The following PCNX2 variants were observed in gnomAD, a reference collection of about 807,000 sequenced individuals.
The protein encoded by PCNX2 is pecanex 2, also known as pecanex-like protein 2.
In PCNX2, 168 loss-of-function variants were observed where a neutral mutation model predicts 223.8. That is an observed-to-expected ratio of 0.75 (90% CI 0.66 to 0.85). The LOEUF (loss-of-function observed/expected upper bound fraction) is 0.85, where lower values mean the gene tolerates loss of function less well. Ranked by LOEUF, PCNX2 falls within the 40% of genes least tolerant of loss-of-function variation. The pLI, the probability that PCNX2 is intolerant of heterozygous loss-of-function variation, is 0.00. For synonymous variants in PCNX2, 1,006 were observed against 1,052.6 expected (o/e 0.96, Z 0.86); for missense variants, 2,507 against 2,675.5 (o/e 0.94, Z 1.39).
intron 4 of PCNX2, among the ~76,000 whole-genome samples, chr1:233,260,143 A>C (rs1422160773): frequency 1.3e-5 from 2 of 152,208 alleles, no homozygotes; most frequent in Non-Finnish European, 2.9e-5. Flanking sequence ...ACTAAGGAAA[A>C]AACAGAATTC....
chr1:233,151,717 C>G (rs1300080925), intron 19 of PCNX2, among the ~76,000 whole-genome samples: 2 of 152,142 alleles, frequency 1.3e-5, no homozygotes, highest in Non-Finnish European at 2.9e-5. Context: ...TCTTGTTGCC[C>G]AGGCTGGAGT....
At chr1:233,010,788 C>T (rs367881660) in intron 28 of PCNX2, among the ~76,000 whole-genome samples, 1 of 152,328 alleles carries the variant, frequency 6.6e-6, no homozygotes, top group African/African-American at 2.4e-5. Flanking sequence ...TAAAGGTAGT[C>T]TTTTGCTCAC....
At chr1:233,200,723 A>T (rs1681034454) in intron 13 of PCNX2, among the ~76,000 whole-genome samples, 1 of 151,536 alleles carries the variant, frequency 6.6e-6, no homozygotes, top group Non-Finnish European at 1.5e-5. Flanking sequence ...ACAGGAACAT[A>T]AAAAAAACAC....
intron 13 of PCNX2, among the ~76,000 whole-genome samples, chr1:233,206,399 G>A (rs1169795787): frequency 7.2e-6 from 1 of 138,962 alleles, no homozygotes; most frequent in Non-Finnish European, 1.6e-5. Context: ...TGCAAAGTGT[G>A]CCATCATGAG....
rs141526509 is a variant in PCNX2 at position 233,218,722 on chromosome 1, T to C, written c.2505-538A>G. ...CCAACTTAATACCAGATTTTTGTTATTGAAGCAAATAAAATCTCATCCCAT... is the reference window on the plus strand; with the variant it reads ...CCAACTTAATACCAGATTTTTGTTACTGAAGCAAATAAAATCTCATCCCAT... On this transcript the variant is annotated intron_variant, in intron 10 of 33. Coordinates refer to ENST00000258229, the MANE Select transcript of PCNX2 (RefSeq NM_014801.4). 2.4e-3 allele frequency among the ~76,000 whole-genome samples: 360 copies of C among 152,296 alleles called. 2 individuals are homozygous for C. Among genetic ancestry groups the C allele is most frequent in the African/African-American group, 8.4e-3 (348 of 41,556 alleles).
chr1:233,153,347 G>C lies in PCNX2; in HGVS notation c.3517+6936C>G, dbSNP rs189912855. On this transcript the variant is annotated intron_variant, in intron 19 of 33. Transcript: ENST00000258229. ...AGGAGGGAGTCAGGGAGGGAGGACG[G>C]AGCTAATAGATTATGTGACAGATTC... Among the ~76,000 whole-genome samples the C allele has an allele frequency of 3.3e-5, 5 of 152,340 alleles. No individual in the cohort carries two copies. The South Asian group carries it at 1.0e-3, about 32-fold the overall frequency.
chr1:233,302,190 G>T, the PCNX2 span, among the ~76,000 whole-genome samples: 1 of 152,146 alleles, frequency 6.6e-6, no homozygotes, highest in Non-Finnish European at 1.5e-5. Flanking sequence ...CAAATCAGAT[G>T]AAGCATTGAG....
intron 14 of PCNX2, 144 bp downstream of exon 14, chr1:233,200,010 C>T: frequency 1.5e-6 from 1 of 649,594 alleles, no homozygotes; most frequent in South Asian, 2.5e-5. Context: ...GGCCCATCAT[C>T]ACCCAGACTG....
the PCNX2 span, among the ~76,000 whole-genome samples, chr1:233,318,529 A>C: frequency 6.9e-6 from 1 of 144,302 alleles, no homozygotes; most frequent in East Asian, 2.0e-4. Flanking sequence ...TCATGATTGC[A>C]TCACTCCCCC....
chr1:233,301,709 C>T, the PCNX2 span, among the ~76,000 whole-genome samples: 5 of 151,862 alleles, frequency 3.3e-5, no homozygotes, highest in Non-Finnish European at 5.9e-5. Context: ...TCTTGTACAC[C>T]CTTTCTCAGA....
intron 19 of PCNX2, among the ~76,000 whole-genome samples, chr1:233,158,837 T>G (rs559656238): frequency 6.6e-6 from 1 of 152,300 alleles, no homozygotes; most frequent in South Asian, 2.1e-4. Flanking sequence ...AAGGGAAATA[T>G]AACCTGAAGG....
At chr1:233,059,390 A>G (rs1395963592) in intron 23 of PCNX2, among the ~76,000 whole-genome samples, 2 of 152,308 alleles carry the variant, frequency 1.3e-5, no homozygotes, top group East Asian at 3.9e-4. Context: ...TATTGCCTCA[A>G]AACTACCCTC....
At chr1:233,121,708 G>C (rs1675805363) in intron 21 of PCNX2, among the ~76,000 whole-genome samples, 3 of 152,186 alleles carry the variant, frequency 2.0e-5, no homozygotes, top group Non-Finnish European at 4.4e-5. Flanking sequence ...TATTGGAATG[G>C]AAAGTTACAG....
intron 23 of PCNX2, among the ~76,000 whole-genome samples, chr1:233,087,395 C>T (rs943587954): frequency 6.6e-6 from 1 of 152,052 alleles, no homozygotes; most frequent in Non-Finnish European, 1.5e-5. Context: ...TTTCAGGCGG[C>T]CCTTTTAAAG....
At chr1:233,161,145 T>C (rs2296515) in intron 18 of PCNX2, 126 bp downstream of exon 18, 471,684 of 761,316 alleles carry the variant, frequency 0.62, 147,588 homozygotes, top group South Asian at 0.67. Flanking sequence ...TCCCTAAGCC[T>C]CTCAGCGGGC....
chr1:233,241,474 G>C (rs1270922994), intron 8 of PCNX2: 1 of 784,724 alleles, frequency 1.3e-6, no homozygotes, highest in Admixed American at 6.3e-5. Context: ...GAATGACAGT[G>C]AAAGGAGCAA....
chr1:233,054,722 C>T (rs151290765), intron 24 of PCNX2: 137 of 379,008 alleles, frequency 3.6e-4, no homozygotes, highest in Middle Eastern at 1.5e-3. Context: ...TATATATGTG[C>T]TATAATATAT....
chr1:232,986,492 C>T lies in PCNX2; in HGVS notation c.5840G>A (p.Ser1947Asn). 6.3e-7 allele frequency: 1 copy of T among 1,585,666 alleles called. No homozygotes were observed. The highest frequency in any genetic ancestry group is 8.6e-7 in the Non-Finnish European group (1 of 1,164,250). ...TGAGCTCAGCATGGGCGGCCTTTGG[C>T]TTAGCGCTGAGTGTGCCTGCACGGA... ...SQSVQAHSAL[S>N]QRPPMLSSSG... Residue 1947 changes from serine to asparagine, a missense_variant, in exon 33 of 34, where the codon AGC (serine) becomes AAC (asparagine). Physicochemically the swap from Ser to Asn is conservative, Grantham distance 46. Transcript: ENST00000258229.
intron 32 of PCNX2, among the ~76,000 whole-genome samples, chr1:232,996,265 C>T (rs1460799863): frequency 6.6e-6 from 1 of 152,170 alleles, no homozygotes; most frequent in Non-Finnish European, 1.5e-5. Flanking sequence ...GCAGCCACAC[C>T]CCCCTGACTC....
Sources: gnomAD v4.1 joint callset for allele counts (sites outside exome capture counted in the v4.1 genomes callset) on GRCh38, gnomAD v4.1.1 for gene constraint, MANE v1.5 for transcripts, NCBI Gene and HGNC (gene_info 2026-07-23, HGNC 2026-07-21) for gene names.